USH2A: variants seen among roughly 807,000 people sequenced by gnomAD.
The protein encoded by USH2A is usherin.
A neutral mutation model predicts 538.9 loss-of-function variants in USH2A; 443 were observed. The ratio of observed to expected loss-of-function variants is 0.82; its 90% CI spans 0.76 to 0.89. USH2A has a LOEUF of 0.89. Among genes scored for constraint, USH2A ranks in the 40% least tolerant of loss-of-function variants. The pLI is 0.00. For missense variants in USH2A, 6,633 were observed against 6,324.8 expected, an observed-to-expected ratio of 1.05 and a Z score of -1.65; for synonymous variants, 2,413 against 2,273.5, an observed-to-expected ratio of 1.06 and a Z score of -1.75.
chr1:216,235,961 A>G (rs2102528516), intron 13 of USH2A, among the ~76,000 whole-genome samples: 1 of 152,278 alleles, frequency 6.6e-6, no homozygotes, highest in African/African-American at 2.4e-5. Context: ...TATTTTCAAT[A>G]TTGTTGTATT....
intron 37 of USH2A, among the ~76,000 whole-genome samples, chr1:215,958,774 A>G (rs1457078076): frequency 2.6e-5 from 4 of 152,058 alleles, no homozygotes; most frequent in African/African-American, 9.7e-5. Flanking sequence ...TAACACTACC[A>G]TTATGTCTCA....
intron 38 of USH2A, among the ~76,000 whole-genome samples, chr1:215,921,953 A>G (rs1043653672): frequency 1.7e-4 from 26 of 152,006 alleles, no homozygotes; most frequent in Non-Finnish European, 5.9e-5. Context: ...AGGTTACATG[A>G]TCTTAATTTT....
intron 21 of USH2A, among the ~76,000 whole-genome samples, chr1:216,158,711 C>T (rs951734156): frequency 1.5e-4 from 23 of 152,104 alleles, no homozygotes; most frequent in Non-Finnish European, 3.1e-4. Flanking sequence ...ACTTTCCTCT[C>T]TCATGTGCAT....
At chr1:215,821,475 T>C (rs964430199) in intron 47 of USH2A, among the ~76,000 whole-genome samples, 1 of 151,794 alleles carries the variant, frequency 6.6e-6, no homozygotes, top group Non-Finnish European at 1.5e-5. Flanking sequence ...TTTTTGCTTT[T>C]GAGTTGTTTA....
intron 43 of USH2A, among the ~76,000 whole-genome samples, chr1:215,867,381 A>C (rs1316167270): frequency 6.6e-6 from 1 of 152,218 alleles, no homozygotes; most frequent in Non-Finnish European, 1.5e-5. Context: ...GCATAAACCA[A>C]AACATCAGGG....
intron 58 of USH2A, among the ~76,000 whole-genome samples, chr1:215,748,783 A>C (rs796790215): frequency 1.3e-5 from 2 of 152,344 alleles, no homozygotes; most frequent in South Asian, 4.1e-4. Context: ...TGATACTAAT[A>C]GCTACCTCAT....
chr1:216,023,475 A>AAAAAAAAAAAAAAAAAAAAAAC (rs1668891389), intron 32 of USH2A, among the ~76,000 whole-genome samples: 1 of 149,310 alleles, frequency 6.7e-6, no homozygotes, highest in Non-Finnish European at 1.5e-5. Context: ...AAAAAAAAAA[A>AAAAAAAAAAAAAAAAAAAAAAC]AAAAAAATCA....
In USH2A at chr1:215,867,199, T is replaced by C. The variant is rs981422986; in HGVS notation, c.8682-29A>G. 6.2e-6 allele frequency: 10 copies of C among 1,606,696 alleles called. No homozygotes were observed. In the African/African-American group the frequency reaches 1.2e-4, roughly 19 times the overall value. On this transcript the variant is annotated intron_variant, in intron 43 of 71. Coordinates refer to ENST00000307340, the MANE Select transcript of USH2A (RefSeq NM_206933.4). ...AAATGTTGTTTTGTTAAAAAAAGTATATGAATTTCTACTTTACAGAAAATC... is the reference window on the plus strand; with the variant it reads ...AAATGTTGTTTTGTTAAAAAAAGTACATGAATTTCTACTTTACAGAAAATC...
intron 3 of USH2A, among the ~76,000 whole-genome samples, chr1:216,372,858 T>C (rs916717290): frequency 1.3e-5 from 2 of 152,200 alleles, no homozygotes; most frequent in Non-Finnish European, 2.9e-5. Context: ...ATTATTTCAA[T>C]ATATCATTGT....
At chr1:215,983,605 G>A (rs1221863339) in intron 35 of USH2A, among the ~76,000 whole-genome samples, 3 of 151,594 alleles carry the variant, frequency 2.0e-5, no homozygotes, top group Non-Finnish European at 2.9e-5. Flanking sequence ...TTATCTTCAC[G>A]CACTACCCCC....
At chr1:215,877,271 G>A (rs1042456884) in intron 43 of USH2A, among the ~76,000 whole-genome samples, 1 of 152,138 alleles carries the variant, frequency 6.6e-6, no homozygotes, top group African/African-American at 2.4e-5. Flanking sequence ...TTTACTGAAT[G>A]TCTTTGAACT....
rs397517979 is a variant in USH2A at position 216,324,269 on chromosome 1, C to T, written c.1227G>A (p.Trp409Ter). The T allele has an allele frequency of 5.6e-6, 9 of 1,613,168 alleles. No individual in the cohort carries two copies. Among genetic ancestry groups the T allele is most frequent in the Non-Finnish European group, 7.6e-6 (9 of 1,179,688 alleles). The change falls in exon 7 of 72, where the codon TGG becomes TGA. Residue 409 changes from tryptophan to a stop codon, truncating the protein, a stop_gained. Transcript: ENST00000307340. LOFTEE classifies it high-confidence loss of function. ...IQRKKENSLD[W>*]EDWQYFARNC... Reference sequence around the variant, plus strand: ...TCCTGGCAAAATATTGCCAGTCCTCCCAATCTAAACTATTTTCCTTCTTCC... The same window carrying T: ...TCCTGGCAAAATATTGCCAGTCCTCTCAATCTAAACTATTTTCCTTCTTCC...
In USH2A at chr1:215,751,290, CAGT is replaced by C. The variant is rs148343118; in HGVS notation, c.11389+7302_11389+7304del. On this transcript the variant is annotated intron_variant, in intron 58 of 71. Transcript: ENST00000307340. ...AGCAATATTAATAAAAATTATTTATCAGTAGAATTCTTGCTAATTCCTTCTTTA... is the reference window on the plus strand; with the variant it reads ...AGCAATATTAATAAAAATTATTTATCAGAATTCTTGCTAATTCCTTCTTTA... Among the ~76,000 whole-genome samples, 4,954 of 152,110 alleles carry C rather than the reference CAGT, an allele frequency of 0.033. 467 individuals are homozygous for C. The East Asian group carries it at 0.36, about 11-fold the overall frequency.
At chr1:216,310,750 T>C (rs1000578416) in intron 9 of USH2A, among the ~76,000 whole-genome samples, 1 of 152,242 alleles carries the variant, frequency 6.6e-6, no homozygotes. Context: ...TTCTGTGTTC[T>C]ACTGGAGATC....
intron 21 of USH2A, among the ~76,000 whole-genome samples, chr1:216,127,124 G>C (rs920985394): frequency 6.6e-6 from 1 of 152,194 alleles, no homozygotes; most frequent in African/African-American, 2.4e-5. Context: ...AGTCCAAGTT[G>C]TTACTTTCTG....
chr1:216,045,758 T>C (rs1375914872), intron 32 of USH2A, among the ~76,000 whole-genome samples: 1 of 152,154 alleles, frequency 6.6e-6, no homozygotes, highest in Non-Finnish European at 1.5e-5. Context: ...CCTCTGCATC[T>C]GAGCAAAGGT....
intron 37 of USH2A, among the ~76,000 whole-genome samples, chr1:215,961,651 A>C (rs12089691): frequency 0.05 from 7,649 of 151,928 alleles, 258 homozygotes; most frequent in Middle Eastern, 0.096. Context: ...TTTAATCATT[A>C]AGATACCTTG....
At chr1:216,283,579 C>T (rs1048214230) in intron 11 of USH2A, among the ~76,000 whole-genome samples, 3 of 152,150 alleles carry the variant, frequency 2.0e-5, no homozygotes, top group African/African-American at 7.2e-5. Flanking sequence ...AGGAAAAAAG[C>T]ATCCAGTTTC....
chr1:216,355,006 C>T (rs2038356713), intron 4 of USH2A, among the ~76,000 whole-genome samples: 1 of 151,790 alleles, frequency 6.6e-6, no homozygotes, highest in Non-Finnish European at 1.5e-5. Flanking sequence ...TTAACAGCAT[C>T]AAGTGGAAAA....
Sources: allele counts gnomAD v4.1 joint callset (sites outside exome capture counted in the v4.1 genomes callset), GRCh38; gene constraint gnomAD v4.1.1; transcripts MANE v1.5; gene names NCBI Gene and HGNC (gene_info 2026-07-23, HGNC 2026-07-21).